CACNA1A: variants seen among roughly 807,000 people sequenced by gnomAD.
CACNA1A encodes voltage-dependent P/Q-type calcium channel subunit alpha-1A.
A neutral mutation model predicts 262.4 loss-of-function variants in CACNA1A; 57 were observed. That is an observed-to-expected ratio of 0.22 (90% CI 0.18 to 0.27). CACNA1A has a LOEUF of 0.27. Among genes scored for constraint, CACNA1A ranks in the 10% least tolerant of loss-of-function variants. CACNA1A has a pLI of 1.00. For synonymous variants in CACNA1A, 1,431 were observed against 1,419.3 expected, an observed-to-expected ratio of 1.01 and a Z score of -0.18; for missense variants, 2,526 against 3,562.8, an observed-to-expected ratio of 0.71 and a Z score of 7.41.
intron 24 of CACNA1A, chr19:13,274,052 T>C (rs1001416599): frequency 6.6e-5 from 10 of 151,780 alleles, no homozygotes; most frequent in African/African-American, 2.2e-4. Context: ...ATTGCTCTAG[T>C]AGTCAAATAG....
intron 19 of CACNA1A, among the ~76,000 whole-genome samples, chr19:13,294,203 CA>C (rs57648096): frequency 0.41 from 40,837 of 99,444 alleles, 5,512 homozygotes; most frequent in East Asian, 0.55. Flanking sequence ...GACCCTGCCT[CA>C]AAAAAAAAAA....
At chr19:13,330,133 C>G in intron 10 of CACNA1A, 111 bp downstream of exon 10, 1 of 692,862 alleles carries the variant, frequency 1.4e-6, no homozygotes. Context: ...AAGGGTGGAG[C>G]TGAGACCCAA....
intron 1 of CACNA1A, among the ~76,000 whole-genome samples, chr19:13,501,018 GGCTGGAGAAGTGGGGT>G (rs1982313840): frequency 6.6e-6 from 1 of 152,222 alleles, no homozygotes; most frequent in African/African-American, 2.4e-5. Flanking sequence ...TGGTTGAAGG[GGCTGGAGAAGTGGGGT>G]GCTGACTCAA....
intron 1 of CACNA1A, among the ~76,000 whole-genome samples, chr19:13,462,159 T>C (rs1020690609): frequency 1.1e-4 from 16 of 152,192 alleles, no homozygotes; most frequent in African/African-American, 3.9e-4. Flanking sequence ...AAGTAATCCT[T>C]GCATCCCTCT....
Position 13,275,784 on chromosome 19 carries a change from C to T in CACNA1A, c.3989+66G>A, listed in dbSNP as rs1031735476. The T allele has an allele frequency of 1.2e-4, 131 of 1,084,384 alleles. No individual in the cohort carries two copies. In the Admixed American group the frequency reaches 2.1e-3, roughly 17 times the overall value. 67.2% of individuals were successfully genotyped at this position (1,084,384 alleles called of 1,614,324 possible). On this transcript the variant is annotated intron_variant, in intron 24 of 46. Coordinates refer to ENST00000360228, the MANE Select transcript of CACNA1A (RefSeq NM_001127222.2). ...GACCCTGAGAACATGTCCTGTAATC[C>T]GATGTGTGGCCCAGGCTGGGGGTTG...
At chr19:13,478,737 G>T (rs1978882085) in intron 1 of CACNA1A, among the ~76,000 whole-genome samples, 1 of 152,196 alleles carries the variant, frequency 6.6e-6, no homozygotes, top group South Asian at 2.1e-4. Context: ...CAGGTAAATG[G>T]ATAAACAAAC....
intron 22 of CACNA1A, among the ~76,000 whole-genome samples, chr19:13,281,905 C>T (rs939851556): frequency 1.3e-5 from 2 of 152,166 alleles, no homozygotes; most frequent in East Asian, 1.9e-4. Context: ...TGGGAGCTGC[C>T]GTGCCCCCTG....
intron 3 of CACNA1A, among the ~76,000 whole-genome samples, chr19:13,439,030 T>G (rs2060663632): frequency 6.6e-6 from 1 of 152,026 alleles, no homozygotes; most frequent in African/African-American, 2.4e-5. Flanking sequence ...TGAGCCACCA[T>G]GCCCAGCTTT....
rs1274677047 is a variant in CACNA1A, at chr19:13,346,638, ATATATATATATATATATATATATATATAT to A, written c.979-10758_979-10730del. Among the ~76,000 whole-genome samples the A allele has an allele frequency of 4.4e-3, 21 of 4,792 alleles. 1 individual carries two copies. The highest frequency in any genetic ancestry group is 6.6e-3 in the Non-Finnish European group (16 of 2,412). 3.1% of individuals were successfully genotyped at this position (4,792 alleles called of 152,430 possible). On this transcript the variant is annotated intron_variant, in intron 6 of 46. Transcript: ENST00000360228. ...TGATTATATATATATATATATATAT[ATATATATATATATATATATATATATATAT>A]TTTTTTTTTTTTTTTTTTTTTTTTT...
rs1476767088 is a variant in CACNA1A, at chr19:13,424,050, T to G, written c.539+28826A>C. Among the ~76,000 whole-genome samples the G allele has an allele frequency of 4.6e-5, 7 of 152,210 alleles. No individual in the cohort carries two copies. In the South Asian group the frequency reaches 6.2e-4, roughly 14 times the overall value. On this transcript the variant is annotated intron_variant, in intron 3 of 46. Coordinates refer to ENST00000360228, the MANE Select transcript of CACNA1A (RefSeq NM_001127222.2). Reference sequence around the variant, plus strand: ...CCTTCCCTTTCATACCACCTTCATTTAACAATCAAAACAGCTGGCCAGGCG... The same window carrying G: ...CCTTCCCTTTCATACCACCTTCATTGAACAATCAAAACAGCTGGCCAGGCG...
In CACNA1A at chr19:13,467,389, G is replaced by A. The variant is rs552255995; in HGVS notation, c.294-12177C>T. On this transcript the variant is annotated intron_variant, in intron 1 of 46. Transcript: ENST00000360228. The stretch of plus-strand genomic sequence containing the variant: ...CCAGCTACTGGGGAGGCTGAGGCAC[G>A]AGGATCACTCGAGCCCAGAAGGTCA... Among the ~76,000 whole-genome samples the A allele has an allele frequency of 4.2e-4, 64 of 152,120 alleles. 1 individual carries two copies. In the East Asian group the frequency reaches 5.4e-3, roughly 13 times the overall value.
intron 3 of CACNA1A, among the ~76,000 whole-genome samples, chr19:13,430,465 C>T (rs1469572608): frequency 1.3e-5 from 2 of 152,112 alleles, no homozygotes; most frequent in Non-Finnish European, 2.9e-5. Flanking sequence ...CTCGGCCTCC[C>T]CAAGTGCTGG....
intron 3 of CACNA1A, among the ~76,000 whole-genome samples, chr19:13,372,300 C>T (rs2059336522): frequency 6.6e-6 from 1 of 152,128 alleles, no homozygotes; most frequent in Non-Finnish European, 1.5e-5. Context: ...TCCCGAGTAG[C>T]TGGGATTACT....
At chr19:13,499,598 A>G (rs1250995705) in intron 1 of CACNA1A, among the ~76,000 whole-genome samples, 9 of 151,812 alleles carry the variant, frequency 5.9e-5, no homozygotes, top group Non-Finnish European at 1.3e-4. Context: ...TGTGCTGGCC[A>G]TTTTTCACGC....
chr19:13,370,234 G>A (rs1305823419), intron 4 of CACNA1A, among the ~76,000 whole-genome samples: 2 of 151,644 alleles, frequency 1.3e-5, no homozygotes, highest in African/African-American at 4.8e-5. Context: ...CCGAGTAGCT[G>A]GGATTATAGA....
In CACNA1A at chr19:13,239,406, T is replaced by A. The variant is rs113179333; in HGVS notation, c.4951-3676A>T. ...ATGCTGCTCATCCTTCAGCTCGCAG[T>A]GCAGGTATAATTTTAAGTGGAGTCA... On this transcript the variant is annotated intron_variant, in intron 31 of 46. Coordinates refer to ENST00000360228, the MANE Select transcript of CACNA1A (RefSeq NM_001127222.2). Among the ~76,000 whole-genome samples, 1,030 of 152,316 alleles carry A rather than the reference T, an allele frequency of 6.8e-3. 9 individuals are homozygous for A. The highest frequency in any genetic ancestry group is 0.023 in the African/African-American group (937 of 41,568).
In CACNA1A at chr19:13,455,169, T is replaced by C. The variant is rs746955115; in HGVS notation, c.337A>G (p.Ile113Val). The C allele has an allele frequency of 9.9e-6, 16 of 1,612,550 alleles. No individual in the cohort carries two copies. The highest frequency in any genetic ancestry group is 1.4e-5 in the Non-Finnish European group (16 of 1,178,780). Residue 113 changes from isoleucine to valine, a missense_variant, in exon 2 of 47, where the codon ATC (isoleucine) becomes GTC (valine). Physicochemically the swap from Ile to Val is conservative, Grantham distance 29. Coordinates refer to ENST00000360228, the MANE Select transcript of CACNA1A (RefSeq NM_001127222.2). Reference protein sequence around the residue: ...MILATIIANCIVLALEQHLPD... With the variant: ...MILATIIANCVVLALEQHLPD... ...AGATGCTGCTCCAGTGCGAGGACGA[T>C]GCAATTCGCTATGATGGTGGCTAAA...
intron 24 of CACNA1A, among the ~76,000 whole-genome samples, chr19:13,268,540 T>C (rs2056924734): frequency 6.6e-6 from 1 of 151,590 alleles, no homozygotes; most frequent in Non-Finnish European, 1.5e-5. Context: ...TTCACGCCAT[T>C]CTCCTTCCTC....
chr19:13,218,538 C>T (rs551183140), intron 38 of CACNA1A, among the ~76,000 whole-genome samples: 2 of 152,220 alleles, frequency 1.3e-5, no homozygotes, highest in South Asian at 4.1e-4. Flanking sequence ...GTCTCCTGGA[C>T]CCTTCCCCAG....
Sources: gnomAD v4.1 joint callset for allele counts (sites outside exome capture counted in the v4.1 genomes callset) on GRCh38, gnomAD v4.1.1 for gene constraint, MANE v1.5 for transcripts, NCBI Gene and HGNC (gene_info 2026-07-23, HGNC 2026-07-21) for gene names.